Variants in PDZK1 observed in about 807,000 individuals in gnomAD.
PDZK1 encodes PDZ domain containing 1.
PDZK1 carries 23 observed loss-of-function variants against 38.1 expected under a neutral mutation model. The observed-to-expected ratio is 0.60, with a 90% CI of 0.43 to 0.85. The LOEUF (loss-of-function observed/expected upper bound fraction) is 0.85. PDZK1 is among the 40% of genes least tolerant of loss of function. PDZK1 has a pLI of 0.00. For missense variants in PDZK1, 297 were observed against 504.3 expected (o/e 0.59, Z 3.94); for synonymous variants, 98 against 186.2 (o/e 0.53, Z 3.86).
At chr1:145,699,334 C>T (rs782212899) in intron 1 of PDZK1, among the ~76,000 whole-genome samples, 6 of 152,172 alleles carry the variant, frequency 3.9e-5, no homozygotes, top group African/African-American at 9.7e-5. Context: ...ACAGGAATCG[C>T]TTGAACCCGG....
chr1:145,676,575 A>C (rs1653693554), intron 6 of PDZK1, among the ~76,000 whole-genome samples: 1 of 149,016 alleles, frequency 6.7e-6, no homozygotes, highest in Admixed American at 6.7e-5. Flanking sequence ...AAATACAAAA[A>C]ATTAGCTGGG....
In PDZK1 at chr1:145,686,183, C is replaced by T. The variant is rs587717293; in HGVS notation, c.460+294G>A. Among the ~76,000 whole-genome samples the T allele has an allele frequency of 2.2e-3, 337 of 152,314 alleles. 1 individual carries two copies. Among genetic ancestry groups the T allele is most frequent in the Non-Finnish European group, 4.1e-3 (280 of 68,026 alleles). ...CTAGAAGCATCAACCCTCTGGCCCC[C>T]TGACCTCAAAGAGTCCTCAAGTGCC... is the stretch of plus-strand genomic sequence containing the variant. On this transcript the variant is annotated intron_variant, in intron 3 of 8. Transcript: ENST00000417171.
intron 1 of PDZK1, among the ~76,000 whole-genome samples, chr1:145,702,851 C>T (rs1032612684): frequency 6.6e-6 from 1 of 152,154 alleles, no homozygotes; most frequent in Non-Finnish European, 1.5e-5. Context: ...CAAGATCGTG[C>T]CACTGCACCC....
intron 6 of PDZK1, among the ~76,000 whole-genome samples, chr1:145,674,597 G>C (rs1277522098): frequency 1.3e-5 from 2 of 152,050 alleles, no homozygotes; most frequent in Admixed American, 6.6e-5. Flanking sequence ...TGGACTCTAA[G>C]ATCTACAGCC....
At chr1:145,702,695 C>A (rs1553705153) in intron 1 of PDZK1, among the ~76,000 whole-genome samples, 1 of 152,136 alleles carries the variant, frequency 6.6e-6, no homozygotes, top group Non-Finnish European at 1.5e-5. Context: ...AGATCGAGAC[C>A]ATCCTGGCTA....
rs148591404 is a variant in PDZK1, at chr1:145,703,891, C to T, written c.-3+3426G>A. 5.1e-4 allele frequency among the ~76,000 whole-genome samples: 78 copies of T among 151,600 alleles called. 1 individual carries two copies. In the East Asian group the frequency reaches 0.013, roughly 25 times the overall value. Reference sequence around the variant, plus strand: ...TGGTCCAGGCTAGAGTGCAGTGGTGCGATCTCGGCTCACTGCAACCTCTGC... The same window carrying T: ...TGGTCCAGGCTAGAGTGCAGTGGTGTGATCTCGGCTCACTGCAACCTCTGC... On this transcript the variant is annotated intron_variant, in intron 1 of 8. Coordinates refer to ENST00000417171, the MANE Select transcript of PDZK1 (RefSeq NM_001201325.2).
chr1:145,670,981 A>G (rs1292906516), downstream of PDZK1: 1 of 154,586 alleles, frequency 6.5e-6, no homozygotes, highest in Non-Finnish European at 1.4e-5. Context: ...AAGCATACTC[A>G]AAAGGCATTT....
In PDZK1 at chr1:145,694,382, G is replaced by A. The variant is rs74933181; in HGVS notation, c.-2-6359C>T. Reference sequence around the variant, plus strand: ...TTAGTTTCTTCAGTTAGCATGCTGGGGCAGGTGAAATCTGTTTGGGATCAT... The same window carrying A: ...TTAGTTTCTTCAGTTAGCATGCTGGAGCAGGTGAAATCTGTTTGGGATCAT... On this transcript the variant is annotated intron_variant, in intron 1 of 8. Transcript: ENST00000417171. 4.4e-3 allele frequency among the ~76,000 whole-genome samples: 671 copies of A among 152,236 alleles called. 8 individuals carry two copies. The highest frequency in any genetic ancestry group is 0.015 in the African/African-American group (642 of 41,522).
rs587685661 is a variant in PDZK1 at position 145,674,334 on chromosome 1, A to G, written c.991-453T>C. On this transcript the variant is annotated intron_variant, in intron 6 of 8. Transcript: ENST00000417171. ...AGATGGTCTTCAGAGCTCCTTAAAC[A>G]CATTAGAAAAAGTAAAACACAAGAC... 5,539 of 887,910 alleles carry G rather than the reference A, an allele frequency of 6.2e-3. 13 individuals carry two copies. The highest frequency in any genetic ancestry group is 7.2e-3 in the Non-Finnish European group (5,322 of 740,906). The allele number at this position is 887,910 out of a possible 1,614,324, so 55.0% of individuals were successfully genotyped here.
rs1253848475 is a variant in PDZK1, at chr1:145,673,712, C to G, written c.1160G>C (p.Gly387Ala). 1 of 1,610,868 alleles carries G rather than the reference C, an allele frequency of 6.2e-7. No individual in the cohort carries two copies. The highest frequency in any genetic ancestry group is 2.2e-5 in the East Asian group (1 of 44,826). ...AATCGCATTTAAGTGAAAGCCATAGCCATTTTCACCTTTAGCCAGCCTGCA... is the reference window on the plus strand; with the variant it reads ...AATCGCATTTAAGTGAAAGCCATAGGCATTTTCACCTTTAGCCAGCCTGCA... ...KLCRLAKGEN[G>A]YGFHLNAIRG... is the part of the protein sequence containing the mutation. The change falls in exon 7 of 9, where the codon GGC becomes GCC. Residue 387 changes from glycine to alanine, a missense_variant. Physicochemically the swap from Gly to Ala is moderately conservative, Grantham distance 60 (BLOSUM62 0). Around this residue, in one of 5 missense-constraint regions of PDZK1, gnomAD observed 49 missense variants for 135.6 expected, o/e 0.36. Transcript: ENST00000417171.
chr1:145,687,681 T>G (rs746868743), intron 2 of PDZK1, 131 bp downstream of exon 2: 17 of 728,380 alleles, frequency 2.3e-5, no homozygotes, highest in Non-Finnish European at 3.4e-5. Context: ...GGTACAGCAA[T>G]AAAGGTGTCC....
At chr1:145,700,633 G>A (rs1655904666) in intron 1 of PDZK1, among the ~76,000 whole-genome samples, 1 of 152,150 alleles carries the variant, frequency 6.6e-6, no homozygotes, top group South Asian at 2.1e-4. Flanking sequence ...AAAGACAGAA[G>A]GGGGCTGTCA....
chr1:145,685,453 TTTC>T (rs1436638349), intron 3 of PDZK1, among the ~76,000 whole-genome samples: 3 of 152,144 alleles, frequency 2.0e-5, no homozygotes, highest in Admixed American at 2.0e-4. Flanking sequence ...GAATTATGAT[TTTC>T]TTTTTTTTAC....
intron 6 of PDZK1, among the ~76,000 whole-genome samples, chr1:145,674,572 T>C (rs1653448969): frequency 6.6e-6 from 1 of 152,194 alleles, no homozygotes; most frequent in Admixed American, 6.5e-5. Flanking sequence ...TCAGAATTCC[T>C]GGTTCTCCGG....
chr1:145,690,478 C>T (rs141830916), intron 1 of PDZK1, among the ~76,000 whole-genome samples: 2 of 152,256 alleles, frequency 1.3e-5, no homozygotes, highest in African/African-American at 4.8e-5. Flanking sequence ...CAATGTCAAA[C>T]AAAACATGCA....
chr1:145,680,717 C>T (rs1553700155), intron 5 of PDZK1, among the ~76,000 whole-genome samples, 195 bp downstream of exon 5: 1 of 150,202 alleles, frequency 6.7e-6, no homozygotes, highest in African/African-American at 2.5e-5. Context: ...CAAATTCTGC[C>T]TTATCATAAT....
At chr1:145,693,771 CAA>C (rs35999622) in intron 1 of PDZK1, among the ~76,000 whole-genome samples, 31 of 139,650 alleles carry the variant, frequency 2.2e-4, no homozygotes, top group Non-Finnish European at 2.3e-4. Context: ...GAGACTCCAC[CAA>C]AAAAAAAAAA....
At chr1:145,680,273 C>T (rs1571590322) in intron 5 of PDZK1, among the ~76,000 whole-genome samples, 2 of 151,976 alleles carry the variant, frequency 1.3e-5, no homozygotes, top group East Asian at 1.9e-4. Context: ...AAAACACAAA[C>T]CAAATTAATA....
chr1:145,676,469 C>T (rs1246963694), intron 6 of PDZK1, among the ~76,000 whole-genome samples: 4 of 151,758 alleles, frequency 2.6e-5, no homozygotes, highest in African/African-American at 9.7e-5. Flanking sequence ...GGCGTGTTGG[C>T]TTATACCTGT....
Sources: allele counts gnomAD v4.1 joint callset (sites outside exome capture counted in the v4.1 genomes callset), GRCh38; gene constraint gnomAD v4.1.1; regional missense constraint gnomAD v4.1.1; transcripts MANE v1.5; gene names NCBI Gene and HGNC (gene_info 2026-07-23, HGNC 2026-07-21).